The following PITPNC1 variants were observed in gnomAD, a reference collection of about 807,000 sequenced individuals.
PITPNC1 encodes phosphatidylinositol transfer protein cytoplasmic 1, also known as cytoplasmic phosphatidylinositol transfer protein 1.
Under a neutral mutation model 44.7 loss-of-function variants are expected in PITPNC1, and 18 were observed. That is an observed-to-expected ratio of 0.40 (90% CI 0.28 to 0.60). The LOEUF (loss-of-function observed/expected upper bound fraction) is 0.60. Among genes scored for constraint, PITPNC1 ranks in the 20% least tolerant of loss-of-function variants. The probability of loss-of-function intolerance (pLI) is 0.39; values close to 1 mark genes in which losing one functional copy is unlikely to be tolerated. For synonymous variants in PITPNC1, 141 were observed against 149.6 expected (o/e 0.94, Z 0.42); for missense variants, 290 against 418.4 (o/e 0.69, Z 2.68).
intron 4 of PITPNC1, among the ~76,000 whole-genome samples, chr17:67,556,570 G>A (rs528363230): frequency 1.3e-5 from 2 of 152,190 alleles, no homozygotes; most frequent in Admixed American, 1.3e-4. Context: ...GCCAAGGGAA[G>A]GGAGGGGTCC....
At chr17:67,395,801 C>T (rs1359351224) in intron 1 of PITPNC1, among the ~76,000 whole-genome samples, 1 of 152,138 alleles carries the variant, frequency 6.6e-6, no homozygotes, top group Admixed American at 6.6e-5. Flanking sequence ...TGCCCCCCCA[C>T]CCAAGTGCCA....
At chr17:67,658,598 G>A (rs2042301302) in intron 6 of PITPNC1, among the ~76,000 whole-genome samples, 1 of 152,128 alleles carries the variant, frequency 6.6e-6, no homozygotes, top group Admixed American at 6.6e-5. Flanking sequence ...TCCTGGTTGT[G>A]AGACAAGAAC....
At chr17:67,621,397 G>A (rs1015430713) in intron 5 of PITPNC1, among the ~76,000 whole-genome samples, 4 of 151,770 alleles carry the variant, frequency 2.6e-5, no homozygotes, top group East Asian at 1.9e-4. Flanking sequence ...TTGTAGAGAC[G>A]GGGTTTCGCC....
intron 5 of PITPNC1, among the ~76,000 whole-genome samples, chr17:67,618,875 T>C (rs915018882): frequency 2.6e-5 from 4 of 151,892 alleles, no homozygotes; most frequent in Non-Finnish European, 4.4e-5. Context: ...CTGGCTAACA[T>C]AGTAAAACCC....
intron 1 of PITPNC1, chr17:67,378,838 C>T (rs2037912277): frequency 6.9e-6 from 2 of 287,888 alleles, no homozygotes; most frequent in Non-Finnish European, 1.0e-5. Context: ...CTTGTTTCTT[C>T]CGCCGCGGGG....
At chr17:67,418,224 G>A (rs920755165) in intron 1 of PITPNC1, among the ~76,000 whole-genome samples, 3 of 152,142 alleles carry the variant, frequency 2.0e-5, no homozygotes, top group African/African-American at 7.2e-5. Context: ...ACTATATAAA[G>A]CTCCCAATAC....
At chr17:67,664,057 G>C (rs1476031272) in intron 6 of PITPNC1, among the ~76,000 whole-genome samples, 1 of 152,130 alleles carries the variant, frequency 6.6e-6, no homozygotes, top group African/African-American at 2.4e-5. Flanking sequence ...CCACCTCCTG[G>C]ATTCAAGCAG....
At chr17:67,601,778 A>G (rs1441980226) in intron 5 of PITPNC1, among the ~76,000 whole-genome samples, 2 of 151,812 alleles carry the variant, frequency 1.3e-5, no homozygotes, top group Admixed American at 6.6e-5. Context: ...AGGGAAAGAA[A>G]ATAAGAGGAA....
chr17:67,416,166 T>TAAATTTA (rs1446316221), intron 1 of PITPNC1, among the ~76,000 whole-genome samples: 1 of 147,166 alleles, frequency 6.8e-6, no homozygotes, highest in Non-Finnish European at 1.5e-5. Flanking sequence ...TTTTTGTACA[T>TAAATTTA]AAATTTAAAT....
At chr17:67,381,244 C>T (rs2037953712) in intron 1 of PITPNC1, among the ~76,000 whole-genome samples, 1 of 143,326 alleles carries the variant, frequency 7.0e-6, no homozygotes, top group Non-Finnish European at 1.5e-5. Flanking sequence ...AGTAGAATGG[C>T]GTGAACCTGG....
At position 67,554,244 on chromosome 17, in the gene PITPNC1, T is replaced by G. The variant is rs111949375; in HGVS notation, c.294+627T>G. ...AGGTCAACCTATCACAACAAGAAAA[T>G]AGTTTATGATTTTTTTTTTTTTTTT... is the stretch of plus-strand genomic sequence containing the variant. On this transcript the variant is annotated intron_variant, in intron 4 of 8. Transcript: ENST00000581322. Among the ~76,000 whole-genome samples, 253 of 144,796 alleles carry G rather than the reference T, an allele frequency of 1.7e-3. 2 individuals are homozygous for G. The highest frequency in any genetic ancestry group is 4.5e-3 in the African/African-American group (177 of 39,250). The allele number at this position is 144,796 out of a possible 152,430, so 95.0% of individuals were successfully genotyped here.
At chr17:67,428,822 T>G (rs1293771368) in intron 1 of PITPNC1, among the ~76,000 whole-genome samples, 1 of 151,284 alleles carries the variant, frequency 6.6e-6, no homozygotes, top group Non-Finnish European at 1.5e-5. Context: ...GTTAACCATT[T>G]TTTTCTACTT....
intron 4 of PITPNC1, among the ~76,000 whole-genome samples, chr17:67,567,916 G>A (rs758927196): frequency 6.6e-6 from 1 of 152,010 alleles, no homozygotes; most frequent in South Asian, 2.1e-4. Context: ...GAATTGCAAT[G>A]AGCCAAGATC....
intron 6 of PITPNC1, among the ~76,000 whole-genome samples, chr17:67,641,375 T>G (rs1450555259): frequency 6.6e-6 from 1 of 152,200 alleles, no homozygotes; most frequent in East Asian, 1.9e-4. Flanking sequence ...ATAAATAGTA[T>G]TATTTTATAA....
At chr17:67,412,974 T>G (rs184220409) in intron 1 of PITPNC1, among the ~76,000 whole-genome samples, 45 of 152,368 alleles carry the variant, frequency 3.0e-4, no homozygotes, top group Non-Finnish European at 6.3e-4. Flanking sequence ...TCCTCCTTAA[T>G]GAGTTGGTTG....
At position 67,428,541 on chromosome 17, in the gene PITPNC1, A is replaced by C. The variant is rs1227276322; in HGVS notation, c.48+50339A>C. Reference sequence around the variant, plus strand: ...GAGTGAGACCCTATCTCAAAAAGAAAAAAAAAAAAAAGAAAGAAAGAAAAC... The same window carrying C: ...GAGTGAGACCCTATCTCAAAAAGAACAAAAAAAAAAAGAAAGAAAGAAAAC... On this transcript the variant is annotated intron_variant, in intron 1 of 8. Coordinates refer to ENST00000581322, the MANE Select transcript of PITPNC1 (RefSeq NM_012417.4). Among the ~76,000 whole-genome samples the C allele has an allele frequency of 2.6e-5, 4 of 151,250 alleles. No individual in the cohort carries two copies. The South Asian group carries it at 6.2e-4, about 24-fold the overall frequency.
At chr17:67,474,798 G>C (rs1369091778) in intron 1 of PITPNC1, among the ~76,000 whole-genome samples, 1 of 151,692 alleles carries the variant, frequency 6.6e-6, no homozygotes, top group Non-Finnish European at 1.5e-5. Flanking sequence ...AGGACTGCAG[G>C]TGCACACCAC....
intron 7 of PITPNC1, among the ~76,000 whole-genome samples, chr17:67,673,927 A>T (rs1043170744): frequency 2.2e-5 from 3 of 134,748 alleles, no homozygotes; most frequent in African/African-American, 8.3e-5. Flanking sequence ...AGATGGCGCC[A>T]CTGCACTCCA....
intron 5 of PITPNC1, among the ~76,000 whole-genome samples, chr17:67,602,732 G>A (rs184942448): frequency 1.3e-5 from 2 of 152,082 alleles, no homozygotes; most frequent in Admixed American, 1.3e-4. Context: ...CACTAACCTT[G>A]GGAATTTTTT....
Sources: gnomAD v4.1 joint callset for allele counts (sites outside exome capture counted in the v4.1 genomes callset) on GRCh38, gnomAD v4.1.1 for gene constraint, MANE v1.5 for transcripts, NCBI Gene and HGNC (gene_info 2026-07-23, HGNC 2026-07-21) for gene names.